The following NCOA3 variants were observed in gnomAD, a reference collection of about 807,000 sequenced individuals.
NCOA3 encodes nuclear receptor coactivator 3, also known as CBP-interacting protein.
NCOA3 carries 51 observed loss-of-function variants against 158.8 expected under a neutral mutation model. That is an observed-to-expected ratio of 0.32 (90% confidence interval 0.26 to 0.41). The LOEUF is 0.41. Ranked by LOEUF, NCOA3 falls within the 10% of genes least tolerant of loss-of-function variation. NCOA3 has a pLI of 1.00. For synonymous variants in NCOA3, 537 were observed against 592.4 expected (o/e 0.91, Z 1.36); for missense variants, 1,510 against 1,746.6 (o/e 0.86, Z 2.41).
At chr20:47,598,028 G>A (rs2085791511) in intron 2 of NCOA3, among the ~76,000 whole-genome samples, 1 of 151,498 alleles carries the variant, frequency 6.6e-6, no homozygotes, top group Non-Finnish European at 1.5e-5. Context: ...GGCGGATCAT[G>A]AGGTCAGGAG....
chr20:47,571,346 C>A (rs185040594), intron 1 of NCOA3, among the ~76,000 whole-genome samples: 47 of 144,860 alleles, frequency 3.2e-4, no homozygotes, highest in East Asian at 2.6e-3. Context: ...GAGACAGATT[C>A]TCGCTCTGTT....
chr20:47,581,428 A>C (rs2085451038), intron 1 of NCOA3, among the ~76,000 whole-genome samples: 1 of 152,184 alleles, frequency 6.6e-6, no homozygotes, highest in Non-Finnish European at 1.5e-5. Flanking sequence ...TTAGTTTCAG[A>C]AACACAACAG....
intron 1 of NCOA3, among the ~76,000 whole-genome samples, chr20:47,527,017 T>G (rs2084466510): frequency 6.6e-6 from 1 of 152,228 alleles, no homozygotes; most frequent in Admixed American, 6.5e-5. Flanking sequence ...ATTCTTAGTA[T>G]ATAGCAATAC....
chr20:47,506,306 A>G (rs2084031219), intron 1 of NCOA3, among the ~76,000 whole-genome samples: 1 of 152,132 alleles, frequency 6.6e-6, no homozygotes, highest in African/African-American at 2.4e-5. Context: ...TTAAAGATGC[A>G]ATTTATCCAG....
rs1275003567 is a variant in NCOA3 at position 47,511,536 on chromosome 20, T to C, written c.-99+9517T>C. ...GTATCTCTCTCGAGATATATATATA[T>C]ATATATATATATATATATATTTCTT... On this transcript the variant is annotated intron_variant, in intron 1 of 22. Coordinates refer to ENST00000371998, the MANE Select transcript of NCOA3 (RefSeq NM_181659.3). Among the ~76,000 whole-genome samples the C allele has an allele frequency of 3.5e-4, 8 of 23,138 alleles. No individual in the cohort carries two copies. In the East Asian group the frequency reaches 0.017, roughly 49 times the overall value. 15.2% of individuals were successfully genotyped at this position (23,138 alleles called of 152,430 possible).
chr20:47,600,606 C>T (rs192402577), intron 2 of NCOA3, among the ~76,000 whole-genome samples: 116 of 149,562 alleles, frequency 7.8e-4, no homozygotes, highest in East Asian at 7.9e-4. Flanking sequence ...TCAGCCTCCG[C>T]CTTCCAAGCT....
In NCOA3 at chr20:47,627,918, G is replaced by A. The variant is rs201253942; in HGVS notation, c.722-4G>A. The A allele has an allele frequency of 8.1e-6, 13 of 1,612,036 alleles. No homozygotes were observed. The highest frequency in any genetic ancestry group is 1.1e-5 in the Non-Finnish European group (13 of 1,178,804). The stretch of plus-strand genomic sequence containing the variant: ...TCCTTACCAGGGTGAATTTTTTATT[G>A]TAGATTTGCAATCTTGTATGATCTG... On this transcript the variant is annotated splice_region_variant and splice_polypyrimidine_tract_variant and intron_variant, in intron 7 of 22. Coordinates refer to ENST00000371998, the MANE Select transcript of NCOA3 (RefSeq NM_181659.3).
rs1486659264 is a variant in NCOA3 at position 47,652,339 on chromosome 20, C to T, written c.3947-67C>T. On this transcript the variant is annotated intron_variant, in intron 20 of 22. Transcript: ENST00000371998. ...CTTTAAAAAAAAAACAAAATTACTA[C>T]AGAAATCTGATATTCTAAGGAGAAG... The T allele has an allele frequency of 3.5e-6, 5 of 1,408,784 alleles. No individual in the cohort carries two copies. The African/African-American group carries it at 4.3e-5, about 12-fold the overall frequency. 87.3% of individuals were successfully genotyped at this position (1,408,784 alleles called of 1,614,324 possible). A position where few individuals can be genotyped will look rare whatever the true frequency, so the allele number is the denominator to read the frequency against.
At chr20:47,520,737 T>A (rs2084318343) in intron 1 of NCOA3, among the ~76,000 whole-genome samples, 1 of 152,188 alleles carries the variant, frequency 6.6e-6, no homozygotes. Flanking sequence ...CCTGGAAGGC[T>A]GACCTGTTTC....
At chr20:47,529,172 C>G (rs8123611) in intron 1 of NCOA3, among the ~76,000 whole-genome samples, 2 of 148,654 alleles carry the variant, frequency 1.3e-5, no homozygotes, top group African/African-American at 2.5e-5. Context: ...TCACTCTAGT[C>G]CCCCAGGCTG....
At chr20:47,595,345 G>A (rs1204318689) in intron 2 of NCOA3, among the ~76,000 whole-genome samples, 1 of 151,788 alleles carries the variant, frequency 6.6e-6, no homozygotes, top group Non-Finnish European at 1.5e-5. Flanking sequence ...TGATCCGCCC[G>A]CCTTGGCCTA....
chr20:47,612,019 G>A (rs934593363), intron 2 of NCOA3, among the ~76,000 whole-genome samples: 2 of 152,124 alleles, frequency 1.3e-5, no homozygotes, highest in South Asian at 2.1e-4. Context: ...TAGAGACGGC[G>A]TTTTGCCACT....
intron 2 of NCOA3, among the ~76,000 whole-genome samples, chr20:47,600,744 G>A (rs937880921): frequency 6.6e-6 from 1 of 150,776 alleles, no homozygotes; most frequent in African/African-American, 2.4e-5. Context: ...TCGAACTCCT[G>A]GGCTCAAGCT....
intron 1 of NCOA3, among the ~76,000 whole-genome samples, chr20:47,514,547 C>T (rs1009665866): frequency 6.6e-6 from 1 of 151,930 alleles, no homozygotes; most frequent in Non-Finnish European, 1.5e-5. Flanking sequence ...GCCATCATTC[C>T]CACCTAATTT....
At chr20:47,556,950 A>G (rs899918062) in intron 1 of NCOA3, among the ~76,000 whole-genome samples, 3 of 152,326 alleles carry the variant, frequency 2.0e-5, no homozygotes, top group African/African-American at 4.8e-5. Context: ...CTCACCTTGT[A>G]CTTACTCTGC....
intron 1 of NCOA3, among the ~76,000 whole-genome samples, chr20:47,549,888 A>G (rs1171803040): frequency 1.3e-5 from 2 of 152,000 alleles, no homozygotes; most frequent in African/African-American, 4.8e-5. Flanking sequence ...AATTTTTTGT[A>G]GAGACATGAT....
At chr20:47,588,025 A>G (rs2085563174) in intron 2 of NCOA3, among the ~76,000 whole-genome samples, 1 of 151,384 alleles carries the variant, frequency 6.6e-6, no homozygotes, top group Non-Finnish European at 1.5e-5. Flanking sequence ...TGAGTGGAGC[A>G]TTTGTCTATA....
At chr20:47,625,525 T>G (rs2086307987) in intron 5 of NCOA3, 44 bp downstream of exon 5, 1 of 1,296,054 alleles carries the variant, frequency 7.7e-7, no homozygotes. Context: ...GTATTGCCCT[T>G]TGGTTTATTA....
intron 1 of NCOA3, among the ~76,000 whole-genome samples, chr20:47,522,099 CT>C (rs772811888): frequency 0.012 from 943 of 76,794 alleles, 1 homozygote; most frequent in African/African-American, 0.04. Flanking sequence ...TTGTACAGAT[CT>C]TTTTTTTTTT....
Sources: gnomAD v4.1 joint callset for allele counts (sites outside exome capture counted in the v4.1 genomes callset) on GRCh38, gnomAD v4.1.1 for gene constraint, MANE v1.5 for transcripts, NCBI Gene and HGNC (gene_info 2026-07-23, HGNC 2026-07-21) for gene names.